The following SNTB1 variants were observed in gnomAD, a reference collection of about 807,000 sequenced individuals.
The protein encoded by SNTB1 is beta-1-syntrophin.
In SNTB1, 36 loss-of-function variants were observed where a neutral mutation model predicts 48.9. The ratio of observed to expected loss-of-function variants is 0.74; its 90% CI spans 0.56 to 0.97. The LOEUF (loss-of-function observed/expected upper bound fraction) is 0.97. Ranked by LOEUF, SNTB1 falls within the 50% of genes least tolerant of loss-of-function variation. The probability of loss-of-function intolerance (pLI) is 0.00; values close to 1 mark genes in which losing one functional copy is unlikely to be tolerated. For missense variants in SNTB1, 786 were observed against 703.4 expected (o/e 1.12, Z -1.33); for synonymous variants, 299 against 294.6 (o/e 1.01, Z -0.15).
Position 120,548,823 on chromosome 8 carries a change from C to CCA in SNTB1, c.1270_1271dup (p.Trp424CysfsTer6). 6.2e-7 allele frequency: 1 copy of CCA among 1,614,112 alleles called. No homozygotes were observed. Among genetic ancestry groups the CCA allele is most frequent in the Non-Finnish European group, 8.5e-7 (1 of 1,179,994 alleles). ...GGCAACCCTGTACTATGCTCCTTGT[C>CCA]CAGTGGGAGAGGTCCCTGCTGGTCT... is the stretch of plus-strand genomic sequence containing the variant. On this transcript the variant is annotated frameshift_variant, in exon 5 of 7. Transcript: ENST00000517992. LOFTEE classifies it high-confidence loss of function.
Position 120,610,852 on chromosome 8 carries a change from A to T in SNTB1, c.996+21592T>A, listed in dbSNP as rs144549362. Among the ~76,000 whole-genome samples the T allele has an allele frequency of 1.8e-3, 281 of 152,220 alleles. 2 individuals are homozygous for T. Among genetic ancestry groups the T allele is most frequent in the African/African-American group, 6.5e-3 (271 of 41,542 alleles). ...TTATTACTTTAGAGAGGCAATTAAC[A>T]ACGGCCTAACCATCACCTGATGATC... On this transcript the variant is annotated intron_variant, in intron 3 of 6. Transcript: ENST00000517992.
rs574562672 is a variant in SNTB1, at chr8:120,730,744, A to T, written c.572-36836T>A. 7.9e-5 allele frequency among the ~76,000 whole-genome samples: 12 copies of T among 152,202 alleles called. No homozygotes were observed. In the South Asian group the frequency reaches 2.5e-3, roughly 32 times the overall value. ...CTGTAAAGTGGGAACAATAACACCT[A>T]TTTTTCATGGTGATTTGAACCTTTT... On this transcript the variant is annotated intron_variant, in intron 1 of 6. Coordinates refer to ENST00000517992, the MANE Select transcript of SNTB1 (RefSeq NM_021021.4).
chr8:120,804,212 TTCCTTCCC>T (rs922490659), intron 1 of SNTB1, among the ~76,000 whole-genome samples: 31 of 152,012 alleles, frequency 2.0e-4, no homozygotes, highest in African/African-American at 7.5e-4. Context: ...TTTCCTTTCC[TTCCTTCCC>T]TCCTTCCCTT....
chr8:120,593,421 A>C (rs539495001), intron 3 of SNTB1, among the ~76,000 whole-genome samples: 74 of 152,332 alleles, frequency 4.9e-4, no homozygotes, highest in African/African-American at 9.1e-4. Flanking sequence ...GCAGCCAATC[A>C]AATACTAATT....
intron 5 of SNTB1, 182 bp from the exon 6 acceptor site, chr8:120,542,182 T>C: frequency 1.8e-6 from 1 of 566,898 alleles, no homozygotes; most frequent in Non-Finnish European, 3.1e-6. Flanking sequence ...GTTGTAATTT[T>C]AAAAGCCCCA....
At chr8:120,691,431 T>C (rs921693370) in intron 2 of SNTB1, among the ~76,000 whole-genome samples, 1 of 152,198 alleles carries the variant, frequency 6.6e-6, no homozygotes, top group South Asian at 2.1e-4. Flanking sequence ...GTCTGTAGAA[T>C]GGGGACAATG....
intron 4 of SNTB1, among the ~76,000 whole-genome samples, chr8:120,561,934 G>A (rs4644306): frequency 6.6e-6 from 1 of 151,988 alleles, no homozygotes; most frequent in East Asian, 1.9e-4. Flanking sequence ...CTGTGGAGCT[G>A]TTACAAATAG....
intron 4 of SNTB1, among the ~76,000 whole-genome samples, chr8:120,566,581 G>A (rs113361403): frequency 0.022 from 3,413 of 152,116 alleles, 47 homozygotes; most frequent in Middle Eastern, 0.044. Flanking sequence ...AAATGGACTC[G>A]GACACACCAC....
intron 2 of SNTB1, among the ~76,000 whole-genome samples, chr8:120,656,981 A>G (rs1372408200): frequency 6.6e-6 from 1 of 152,218 alleles, no homozygotes; most frequent in African/African-American, 2.4e-5. Context: ...TTAGACAACT[A>G]AATTAATGAC....
At chr8:120,668,466 G>T (rs1455463313) in intron 2 of SNTB1, among the ~76,000 whole-genome samples, 2 of 152,204 alleles carry the variant, frequency 1.3e-5, no homozygotes, top group African/African-American at 4.8e-5. Flanking sequence ...CAGTGTGACA[G>T]TCTCTATTCT....
At chr8:120,618,601 A>G (rs1418306787) in intron 3 of SNTB1, among the ~76,000 whole-genome samples, 1 of 152,216 alleles carries the variant, frequency 6.6e-6, no homozygotes, top group Non-Finnish European at 1.5e-5. Context: ...TAAGAAAATG[A>G]CTAGTCATAT....
chr8:120,767,671 G>A (rs1819549708), intron 1 of SNTB1, among the ~76,000 whole-genome samples: 1 of 152,146 alleles, frequency 6.6e-6, no homozygotes, highest in African/African-American at 2.4e-5. Flanking sequence ...CCTCATCTGT[G>A]AAATGGAGAT....
intron 3 of SNTB1, among the ~76,000 whole-genome samples, chr8:120,584,515 T>C (rs754086369): frequency 4.1e-5 from 6 of 146,078 alleles, no homozygotes; most frequent in Non-Finnish European, 7.5e-5. Context: ...GAAAATGTAA[T>C]ATATTTGATT....
At chr8:120,698,493 C>G (rs549973910) in intron 1 of SNTB1, among the ~76,000 whole-genome samples, 117 of 151,788 alleles carry the variant, frequency 7.7e-4, no homozygotes, top group African/African-American at 2.7e-3. Context: ...ATCCAGGAGT[C>G]CTGATTTTTT....
intron 2 of SNTB1, among the ~76,000 whole-genome samples, chr8:120,684,897 C>T (rs1034207328): frequency 4.6e-5 from 7 of 152,170 alleles, no homozygotes; most frequent in Non-Finnish European, 1.0e-4. Context: ...CTCAGTTACT[C>T]CACCCGCCTT....
chr8:120,684,822 T>A (rs1237786918), intron 2 of SNTB1, among the ~76,000 whole-genome samples: 1 of 151,984 alleles, frequency 6.6e-6, no homozygotes, highest in Admixed American at 6.5e-5. Context: ...ACCCAGCTAA[T>A]TTTTTGTATT....
chr8:120,635,752 C>A, intron 2 of SNTB1: 1 of 202,168 alleles, frequency 4.9e-6, no homozygotes, highest in East Asian at 1.4e-4. Flanking sequence ...TTTCTCTGTC[C>A]CCTGTTAGTC....
chr8:120,724,774 G>A (rs1384152940), intron 1 of SNTB1, among the ~76,000 whole-genome samples: 1 of 152,226 alleles, frequency 6.6e-6, no homozygotes, highest in Non-Finnish European at 1.5e-5. Context: ...AACTAGGCAT[G>A]CAGGAGGGAG....
intron 1 of SNTB1, among the ~76,000 whole-genome samples, chr8:120,792,804 C>T (rs1820059313): frequency 6.6e-6 from 1 of 151,924 alleles, no homozygotes; most frequent in Admixed American, 6.6e-5. Flanking sequence ...ATAAGAAGTC[C>T]TCTGCTTCTC....
Sources: allele counts gnomAD v4.1 joint callset (sites outside exome capture counted in the v4.1 genomes callset), GRCh38; gene constraint gnomAD v4.1.1; transcripts MANE v1.5; gene names NCBI Gene and HGNC (gene_info 2026-07-23, HGNC 2026-07-21).